EDIL3: variants seen among roughly 807,000 people sequenced by gnomAD.
The protein encoded by EDIL3 is EGF-like repeat and discoidin I-like domain-containing protein 3.
EDIL3 carries 37 observed loss-of-function variants against 67.4 expected under a neutral mutation model. The ratio of observed to expected loss-of-function variants is 0.55; its 90% CI spans 0.42 to 0.72. EDIL3 has a LOEUF of 0.72. EDIL3 is among the 30% of genes least tolerant of loss of function. The pLI is 0.00. For synonymous variants in EDIL3, 195 were observed against 196.3 expected, an observed-to-expected ratio of 0.99 and a Z score of 0.05; for missense variants, 527 against 586.3, an observed-to-expected ratio of 0.90 and a Z score of 1.04.
At chr5:84,080,115 C>CAAAAAAAAAAAAAA (rs10566347) in intron 6 of EDIL3, among the ~76,000 whole-genome samples, 5 of 52,964 alleles carry the variant, frequency 9.4e-5, no homozygotes, top group East Asian at 5.2e-4. Context: ...ACTAAAAATA[C>CAAAAAAAAAAAAAA]AAAAAAAAAA....
chr5:84,297,148 C>T (rs1029964768), intron 1 of EDIL3, among the ~76,000 whole-genome samples: 1 of 146,778 alleles, frequency 6.8e-6, no homozygotes, highest in Non-Finnish European at 1.5e-5. Context: ...CACCACTGCA[C>T]TCCAGCCTGG....
intron 9 of EDIL3, among the ~76,000 whole-genome samples, chr5:84,006,993 A>G (rs1316664993): frequency 6.6e-6 from 1 of 152,146 alleles, no homozygotes; most frequent in Admixed American, 6.5e-5. Context: ...ATACATCTAC[A>G]GTAAACTCAT....
intron 1 of EDIL3, among the ~76,000 whole-genome samples, chr5:84,312,302 C>A (rs1267152439): frequency 6.9e-6 from 1 of 145,366 alleles, no homozygotes; most frequent in East Asian, 2.1e-4. Flanking sequence ...CCCCACCTCC[C>A]TCCCCGACGG....
At chr5:84,203,212 C>T (rs1259190910) in intron 3 of EDIL3, among the ~76,000 whole-genome samples, 2 of 152,124 alleles carry the variant, frequency 1.3e-5, no homozygotes, top group African/African-American at 2.4e-5. Context: ...GAGGCAAAAG[C>T]TGAAAATTAC....
intron 4 of EDIL3, among the ~76,000 whole-genome samples, chr5:84,173,897 G>A (rs1322378571): frequency 6.6e-6 from 1 of 152,178 alleles, no homozygotes; most frequent in Non-Finnish European, 1.5e-5. Flanking sequence ...CATTGCCAAG[G>A]TCCCAGCAAT....
chr5:84,321,599 G>A (rs919433679), intron 1 of EDIL3, among the ~76,000 whole-genome samples: 16 of 152,028 alleles, frequency 1.1e-4, no homozygotes, highest in African/African-American at 2.2e-4. Flanking sequence ...TCCTTCTGAC[G>A]GAAAAATGTG....
At chr5:84,048,301 T>G (rs2112221315) in intron 9 of EDIL3, 1 of 431,128 alleles carries the variant, frequency 2.3e-6, no homozygotes, top group East Asian at 7.6e-5. Context: ...GAAGGCAAAA[T>G]AAGTTAATGC....
In EDIL3 at chr5:84,096,944, T is replaced by C. The variant is rs1019200086; in HGVS notation, c.651+9705A>G. 4.6e-5 allele frequency among the ~76,000 whole-genome samples: 7 copies of C among 152,184 alleles called. No individual in the cohort carries two copies. The South Asian group carries it at 1.4e-3, about 32-fold the overall frequency. The stretch of plus-strand genomic sequence containing the variant: ...GGAGTTTCCCTGCACAAGCTCTCTC[T>C]CTTTTTGCCTGCCACCATCCACGTA... On this transcript the variant is annotated intron_variant, in intron 6 of 10. Coordinates refer to ENST00000296591, the MANE Select transcript of EDIL3 (RefSeq NM_005711.5).
rs2112232922 is a variant in EDIL3, at chr5:84,384,433, G to A, written c.-59C>T. ...AGGGGTCGTCGCGGAGGGCAGTGTA[G>A]CCGAGGTGGCAGCGCAGGGCAGCAG... On this transcript the variant is annotated 5_prime_UTR_variant, in exon 1 of 11. Coordinates refer to ENST00000296591, the MANE Select transcript of EDIL3 (RefSeq NM_005711.5). The A allele has an allele frequency of 6.3e-7, 1 of 1,578,018 alleles. No individual in the cohort carries two copies. Among genetic ancestry groups the A allele is most frequent in the South Asian group, 1.1e-5 (1 of 89,588 alleles).
At chr5:84,067,660 C>CTT (rs1417078028) in intron 6 of EDIL3, among the ~76,000 whole-genome samples, 1 of 152,092 alleles carries the variant, frequency 6.6e-6, no homozygotes, top group Non-Finnish European at 1.5e-5. Flanking sequence ...TAGGAGGAGA[C>CTT]TTTGAGAGTT....
Position 83,984,460 on chromosome 5 carries a change from G to A in EDIL3, c.1138-21100C>T, listed in dbSNP as rs75913372. 2.6e-3 allele frequency among the ~76,000 whole-genome samples: 397 copies of A among 152,132 alleles called. 3 individuals are homozygous for A. The highest frequency in any genetic ancestry group is 8.9e-3 in the African/African-American group (368 of 41,526). ...TTTGGGAAATGGTGGAATATCATCC[G>A]GGGAATCAACTGGAAAACCAAGTAG... On this transcript the variant is annotated intron_variant, in intron 9 of 10. Transcript: ENST00000296591.
chr5:83,979,731 T>G (rs1744936803), intron 9 of EDIL3, among the ~76,000 whole-genome samples: 3 of 152,096 alleles, frequency 2.0e-5, no homozygotes, highest in Admixed American at 2.0e-4. Context: ...ATCATTACCT[T>G]TTTCTTCTGA....
chr5:84,372,868 A>G (rs1245056966), intron 1 of EDIL3, among the ~76,000 whole-genome samples: 1 of 152,134 alleles, frequency 6.6e-6, no homozygotes, highest in African/African-American at 2.4e-5. Flanking sequence ...TAAGATTGTA[A>G]TGTGTCAAAA....
chr5:84,382,474 C>A (rs182299058), intron 1 of EDIL3, among the ~76,000 whole-genome samples: 1 of 152,248 alleles, frequency 6.6e-6, no homozygotes, highest in East Asian at 1.9e-4. Flanking sequence ...TCCTCTACCC[C>A]GCGCCGCCCT....
intron 5 of EDIL3, among the ~76,000 whole-genome samples, chr5:84,134,220 A>G (rs2112312975): frequency 6.6e-6 from 1 of 152,256 alleles, no homozygotes; most frequent in Non-Finnish European, 1.5e-5. Flanking sequence ...GTAATATCTC[A>G]ACAAAAACAT....
intron 3 of EDIL3, 30 bp from the exon 4 acceptor site, chr5:84,180,551 G>C: frequency 6.5e-7 from 1 of 1,533,448 alleles, no homozygotes; most frequent in East Asian, 2.3e-5. Context: ...ATTTCTGCTT[G>C]ATGCATATTC....
intron 3 of EDIL3, among the ~76,000 whole-genome samples, chr5:84,215,257 A>ATT: frequency 6.7e-6 from 1 of 148,230 alleles, no homozygotes; most frequent in South Asian, 2.1e-4. Flanking sequence ...AGATGAGCAG[A>ATT]TTTTTTTTTT....
intron 8 of EDIL3, 73 bp from the exon 9 acceptor site, chr5:84,060,557 T>C: frequency 8.5e-6 from 13 of 1,529,262 alleles, no homozygotes; most frequent in South Asian, 1.2e-5. Flanking sequence ...TCATTTTGGA[T>C]AGGCAAGAGA....
At chr5:84,239,748 T>G (rs543267625) in intron 2 of EDIL3, among the ~76,000 whole-genome samples, 23 of 152,264 alleles carry the variant, frequency 1.5e-4, no homozygotes, top group African/African-American at 4.8e-4. Context: ...AATTGCAAAA[T>G]TTTGCAACAA....
Sources: gnomAD v4.1 joint callset for allele counts (sites outside exome capture counted in the v4.1 genomes callset) on GRCh38, gnomAD v4.1.1 for gene constraint, MANE v1.5 for transcripts, NCBI Gene and HGNC (gene_info 2026-07-23, HGNC 2026-07-21) for gene names.